The following SIPA1L1 variants were observed in gnomAD, a reference collection of about 807,000 sequenced individuals.
SIPA1L1 encodes signal induced proliferation associated 1 like 1, also known as signal-induced proliferation-associated 1-like protein 1.
In SIPA1L1, 26 loss-of-function variants were observed where a neutral mutation model predicts 162.7. The ratio of observed to expected loss-of-function variants is 0.16; its 90% CI spans 0.12 to 0.22. SIPA1L1 has a LOEUF of 0.22. SIPA1L1 is among the 10% of genes least tolerant of loss of function. The pLI is 1.00. For synonymous variants in SIPA1L1, 829 were observed against 837.4 expected (o/e 0.99, Z 0.17); for missense variants, 1,874 against 2,241.0 (o/e 0.84, Z 3.31).
chr14:71,561,284 T>G (rs1258898446), intron 4 of SIPA1L1, among the ~76,000 whole-genome samples: 1 of 152,226 alleles, frequency 6.6e-6, no homozygotes, highest in African/African-American at 2.4e-5. Context: ...ATACATTTAG[T>G]TCCATTTTGT....
chr14:71,356,870 G>A (rs2037326758), intron 2 of SIPA1L1, among the ~76,000 whole-genome samples: 1 of 150,874 alleles, frequency 6.6e-6, no homozygotes. Flanking sequence ...TTTAATCCTT[G>A]GTGAATACCA....
intron 4 of SIPA1L1, 120 bp downstream of exon 4, chr14:71,529,490 T>C (rs2053224733): frequency 1.9e-6 from 1 of 517,478 alleles, no homozygotes; most frequent in Non-Finnish European, 3.5e-6. Context: ...AATCTACTTT[T>C]CTCAAAGAGA....
intron 4 of SIPA1L1, among the ~76,000 whole-genome samples, chr14:71,571,262 A>G (rs2031946531): frequency 6.6e-6 from 1 of 151,966 alleles, no homozygotes; most frequent in Non-Finnish European, 1.5e-5. Context: ...AGGAGAAAAA[A>G]ATAAGAAAGT....
intron 5 of SIPA1L1, among the ~76,000 whole-genome samples, chr14:71,609,110 G>T (rs541550301): frequency 1.3e-5 from 2 of 151,988 alleles, no homozygotes; most frequent in East Asian, 1.9e-4. Flanking sequence ...TCTATATTGG[G>T]CCATGCCATC....
At chr14:71,401,261 T>G (rs1258766991) in intron 2 of SIPA1L1, among the ~76,000 whole-genome samples, 3 of 152,194 alleles carry the variant, frequency 2.0e-5, no homozygotes, top group Non-Finnish European at 2.9e-5. Flanking sequence ...TTTCCAAGGG[T>G]GTTCTTCTCA....
intron 12 of SIPA1L1, among the ~76,000 whole-genome samples, chr14:71,683,572 AAAG>A (rs1488970717): frequency 6.6e-6 from 1 of 152,238 alleles, no homozygotes; most frequent in African/African-American, 2.4e-5. Flanking sequence ...GTCACAAATG[AAAG>A]ACTCTAAACT....
chr14:71,373,988 G>A (rs1191001484), intron 2 of SIPA1L1, among the ~76,000 whole-genome samples: 1 of 152,172 alleles, frequency 6.6e-6, no homozygotes, highest in East Asian at 1.9e-4. Flanking sequence ...GAAATGACTG[G>A]TAAAGTGTCC....
chr14:71,731,362 C>T (rs1239407856), intron 20 of SIPA1L1, among the ~76,000 whole-genome samples: 1 of 152,130 alleles, frequency 6.6e-6, no homozygotes, highest in Non-Finnish European at 1.5e-5. Flanking sequence ...GCTCCATCCA[C>T]CTGCAGCTAA....
At position 71,723,673 on chromosome 14, in the gene SIPA1L1, G is replaced by C; in HGVS notation, c.4235G>C (p.Ser1412Thr). ...ACCATGAGCTCCCGACACTCTGCCAGCCCAGTGGTTTTCACCAGTGCCCGG... is the reference window on the plus strand; with the variant it reads ...ACCATGAGCTCCCGACACTCTGCCACCCCAGTGGTTTTCACCAGTGCCCGG... ...TSTMSSRHSA[S>T]PVVFTSARSS... The change falls in exon 18 of 24, where the codon AGC (serine) becomes ACC (threonine). Residue 1412 changes from serine to threonine, a missense_variant. By Grantham distance (58) the Ser-to-Thr change is moderately conservative. This residue lies in a region of SIPA1L1 where 936 missense variants were observed against 1,051.9 expected (regional missense o/e 0.89). Transcript: ENST00000381232. The C allele has an allele frequency of 1.3e-5, 21 of 1,614,160 alleles. No individual in the cohort carries two copies. The highest frequency in any genetic ancestry group is 1.7e-5 in the Non-Finnish European group (20 of 1,180,026).
chr14:71,451,618 G>C (rs1370276873), intron 2 of SIPA1L1, among the ~76,000 whole-genome samples: 1 of 143,012 alleles, frequency 7.0e-6, no homozygotes, highest in Non-Finnish European at 1.5e-5. Flanking sequence ...CTGGGTAACA[G>C]CGAGACCTTG....
In SIPA1L1 at chr14:71,671,516, A is replaced by T. The variant is rs368142394; in HGVS notation, c.2653A>T (p.Ile885Phe). 1.9e-6 allele frequency: 3 copies of T among 1,614,076 alleles called. No individual in the cohort carries two copies. Among genetic ancestry groups the T allele is most frequent in the African/African-American group, 2.7e-5 (2 of 74,930 alleles). ...CCTTTTAGGGATCTCCAATGAGTTC[A>T]TTGTGCTCATTGAACAGGAAACAAA... is the stretch of plus-strand genomic sequence containing the variant. ...DCLLGISNEFIVLIEQETKSV... is the reference protein window; with the variant it reads ...DCLLGISNEFFVLIEQETKSV... Residue 885 changes from isoleucine (I) to phenylalanine (F), a missense_variant, in exon 11 of 24, where the codon ATT (isoleucine) becomes TTT (phenylalanine). Physicochemically the swap from Ile to Phe is conservative, Grantham distance 21 (BLOSUM62 0). Around this residue, in one of 5 missense-constraint regions of SIPA1L1, gnomAD observed 243 missense variants for 315.0 expected, o/e 0.77. Transcript: ENST00000381232.
intron 4 of SIPA1L1, among the ~76,000 whole-genome samples, chr14:71,539,047 C>A (rs568451286): frequency 3.0e-4 from 45 of 152,292 alleles, no homozygotes; most frequent in Admixed American, 2.9e-3. Flanking sequence ...GGAAGATGCA[C>A]TCATTTTGAT....
intron 2 of SIPA1L1, among the ~76,000 whole-genome samples, chr14:71,390,468 T>C (rs1409746545): frequency 6.6e-6 from 1 of 152,232 alleles, no homozygotes; most frequent in African/African-American, 2.4e-5. Flanking sequence ...TTGGTTGTTT[T>C]GGTGCCCAAA....
chr14:71,579,473 A>G lies in SIPA1L1; in HGVS notation c.-302-8098A>G, dbSNP rs533567314. Among the ~76,000 whole-genome samples the G allele has an allele frequency of 9.2e-5, 14 of 152,288 alleles. No individual in the cohort carries two copies. In the South Asian group the frequency reaches 2.5e-3, roughly 27 times the overall value. On this transcript the variant is annotated intron_variant, in intron 4 of 23. Transcript: ENST00000381232. ...TGGTGAGGACTGAAGGAGAGGAATG[A>G]GCATGTGTGAGGAAACGAAATGGGT...
chr14:71,508,483 T>C (rs1324935450), intron 2 of SIPA1L1, among the ~76,000 whole-genome samples: 1 of 152,158 alleles, frequency 6.6e-6, no homozygotes, highest in African/African-American at 2.4e-5. Context: ...AGGAAGTTTG[T>C]ACATGTTTAT....
At chr14:71,519,683 AT>A (rs1367997830) in intron 3 of SIPA1L1, among the ~76,000 whole-genome samples, 1 of 150,750 alleles carries the variant, frequency 6.6e-6, no homozygotes, top group Admixed American at 6.6e-5. Flanking sequence ...AAAAAAAAAA[AT>A]AGCCAGACAT....
chr14:71,729,862 C>T (rs1055019333), intron 19 of SIPA1L1, among the ~76,000 whole-genome samples, 193 bp from the exon 20 acceptor site: 1 of 152,196 alleles, frequency 6.6e-6, no homozygotes, highest in African/African-American at 2.4e-5. Flanking sequence ...GGCAGCATGC[C>T]AGGCTAAGGA....
At chr14:71,732,142 T>G (rs1241214293) in intron 20 of SIPA1L1, among the ~76,000 whole-genome samples, 2 of 152,236 alleles carry the variant, frequency 1.3e-5, no homozygotes, top group East Asian at 3.8e-4. Flanking sequence ...TTGCTAATTT[T>G]GAGCACAGTA....
chr14:71,548,551 G>A (rs1054143818), intron 4 of SIPA1L1, among the ~76,000 whole-genome samples: 4 of 152,084 alleles, frequency 2.6e-5, no homozygotes, highest in Non-Finnish European at 4.4e-5. Context: ...ATTTACATTA[G>A]GATGTTTACA....
Sources: allele counts gnomAD v4.1 joint callset (sites outside exome capture counted in the v4.1 genomes callset), GRCh38; gene constraint gnomAD v4.1.1; regional missense constraint gnomAD v4.1.1; transcripts MANE v1.5; gene names NCBI Gene and HGNC (gene_info 2026-07-23, HGNC 2026-07-21).